PPHLN1: variants seen among roughly 807,000 people sequenced by gnomAD.
PPHLN1 encodes periphilin-1.
Under a neutral mutation model 51.3 loss-of-function variants are expected in PPHLN1, and 29 were observed. The ratio of observed to expected loss-of-function variants is 0.57; its 90% confidence interval spans 0.42 to 0.77. PPHLN1 has a LOEUF of 0.77. PPHLN1 is among the 30% of genes least tolerant of loss of function. The pLI, the probability that PPHLN1 is intolerant of heterozygous loss-of-function variation, is 0.00. For synonymous variants in PPHLN1, 147 were observed against 147.8 expected, an observed-to-expected ratio of 0.99 and a Z score of 0.04; for missense variants, 436 against 438.4, an observed-to-expected ratio of 0.99 and a Z score of 0.05.
chr12:42,411,342 T>A (rs915208418), intron 9 of PPHLN1, among the ~76,000 whole-genome samples: 3 of 152,010 alleles, frequency 2.0e-5, no homozygotes, highest in African/African-American at 7.2e-5. Flanking sequence ...CTGCCGCAGT[T>A]ACTACTTGAG....
In PPHLN1 at chr12:42,441,985, A is replaced by C; in HGVS notation, c.*476A>C. 2 of 964,620 alleles carry C rather than the reference A, an allele frequency of 2.1e-6. No individual in the cohort carries two copies. Among genetic ancestry groups the C allele is most frequent in the Non-Finnish European group, 2.5e-6 (2 of 810,806 alleles). The allele number at this position is 964,620 out of a possible 1,614,324, so 59.8% of individuals were successfully genotyped here. On this transcript the variant is annotated 3_prime_UTR_variant, in exon 10 of 10. Coordinates refer to ENST00000358314, the MANE Select transcript of PPHLN1 (RefSeq NM_201439.2). The stretch of plus-strand genomic sequence containing the variant: ...AATATTTGCTTTGAGAGTAATTCTC[A>C]TTCAATGATAAAATAGAGCACTTAA...
At chr12:42,404,875 A>G (rs1346343881) in intron 9 of PPHLN1, among the ~76,000 whole-genome samples, 1 of 151,940 alleles carries the variant, frequency 6.6e-6, no homozygotes, top group African/African-American at 2.4e-5. Flanking sequence ...TAAAAATACA[A>G]AATTAGCCGG....
chr12:42,327,857 C>A (rs1262997641), intron 1 of PPHLN1, among the ~76,000 whole-genome samples: 1 of 152,162 alleles, frequency 6.6e-6, no homozygotes, highest in Non-Finnish European at 1.5e-5. Context: ...GAATACTTCA[C>A]CCTTAGAAGG....
intron 5 of PPHLN1, among the ~76,000 whole-genome samples, chr12:42,378,108 C>A (rs1358919308): frequency 1.5e-5 from 2 of 129,748 alleles, no homozygotes; most frequent in Non-Finnish European, 3.4e-5. Flanking sequence ...TTCTTTCTTT[C>A]TTTCTTTCTT....
Position 42,335,908 on chromosome 12 carries a change from G to T in PPHLN1, c.6G>T (p.Trp2Cys). M[W>C]SEGRYEYERI... ...TGGCTTACAGAAGAGACGAAATGTG[G>T]TCTGAGGGACGATATGAATATGAAA... The change falls in exon 2 of 10, where the codon TGG becomes TGT. Residue 2 changes from tryptophan to cysteine, a missense_variant. Coordinates refer to ENST00000358314, the MANE Select transcript of PPHLN1 (RefSeq NM_201439.2). 6.3e-7 allele frequency: 1 copy of T among 1,581,520 alleles called. No homozygotes were observed. Among genetic ancestry groups the T allele is most frequent in the Middle Eastern group, 1.7e-4 (1 of 5,936 alleles).
chr12:42,374,808 G>A, intron 4 of PPHLN1, 55 bp from the exon 5 acceptor site: 3 of 1,391,226 alleles, frequency 2.2e-6, no homozygotes, highest in Middle Eastern at 2.0e-4. Context: ...CATTGTGCTT[G>A]TATATAGAGG....
At chr12:42,356,606 A>T (rs1409999491) in intron 4 of PPHLN1, among the ~76,000 whole-genome samples, 2 of 152,200 alleles carry the variant, frequency 1.3e-5, no homozygotes, top group African/African-American at 4.8e-5. Context: ...TTCAGAACCC[A>T]TGGCAGACTG....
downstream of PPHLN1, chr12:42,442,617 C>G: frequency 3.1e-6 from 5 of 1,613,734 alleles, no homozygotes; most frequent in Non-Finnish European, 4.2e-6. Flanking sequence ...TCTGAATACT[C>G]CTTTCATCCG....
chr12:42,444,849 G>C (rs935164575), downstream of PPHLN1: 5 of 576,876 alleles, frequency 8.7e-6, no homozygotes, highest in Non-Finnish European at 1.5e-5. Context: ...ACCTAACGCT[G>C]TAATGCTTTT....
chr12:42,416,157 T>G (rs1228847345), intron 9 of PPHLN1, among the ~76,000 whole-genome samples: 1 of 152,210 alleles, frequency 6.6e-6, no homozygotes, highest in Non-Finnish European at 1.5e-5. Context: ...TACATGTGTA[T>G]TTTTAAAATC....
Position 42,368,486 on chromosome 12 carries a change from T to TGGAGAGGTTAGGAAAATGAAGCTC in PPHLN1, c.300-6376_300-6353dup, listed in dbSNP as rs1361273645. Among the ~76,000 whole-genome samples, 4 of 152,162 alleles carry TGGAGAGGTTAGGAAAATGAAGCTC rather than the reference T, an allele frequency of 2.6e-5. No individual in the cohort carries two copies. The East Asian group carries it at 5.8e-4, about 22-fold the overall frequency. ...CCATTCATGTCAGAATTGCTATGTC[T>TGGAGAGGTTAGGAAAATGAAGCTC]GGAGAGGTTAGGAAAATGAAGCTCA... On this transcript the variant is annotated intron_variant, in intron 4 of 9. Transcript: ENST00000358314.
At chr12:42,356,012 A>C (rs921598869) in intron 4 of PPHLN1, among the ~76,000 whole-genome samples, 3 of 152,216 alleles carry the variant, frequency 2.0e-5, no homozygotes, top group Non-Finnish European at 4.4e-5. Flanking sequence ...GATTACTTAC[A>C]GAGGGCATCT....
At chr12:42,351,254 G>A (rs1455417909) in intron 2 of PPHLN1, 1 of 152,012 alleles carries the variant, frequency 6.6e-6, no homozygotes, top group East Asian at 1.9e-4. Context: ...TGTTCTCCCT[G>A]CGTCCAATTC....
At chr12:42,426,336 AT>A (rs1253356725) in intron 9 of PPHLN1, among the ~76,000 whole-genome samples, 10 of 152,054 alleles carry the variant, frequency 6.6e-5, no homozygotes, top group Admixed American at 2.0e-4. Flanking sequence ...AAGCAAGTTC[AT>A]TTATCTTTGC....
At chr12:42,446,523 C>T (rs549889384), downstream of PPHLN1, 19 of 1,563,590 alleles carry the variant, frequency 1.2e-5, no homozygotes, top group Admixed American at 5.3e-5. Context: ...TCCTGGGGGT[C>T]GCTTCTTAGT....
At chr12:42,346,667 A>G (rs999829754) in intron 2 of PPHLN1, among the ~76,000 whole-genome samples, 2 of 152,124 alleles carry the variant, frequency 1.3e-5, no homozygotes, top group Non-Finnish European at 1.5e-5. Context: ...AGGAATTTCC[A>G]TACTGTTTTC....
intron 9 of PPHLN1, among the ~76,000 whole-genome samples, chr12:42,440,909 TCAAA>T (rs1270584873): frequency 6.6e-6 from 1 of 152,250 alleles, no homozygotes; most frequent in African/African-American, 2.4e-5. Flanking sequence ...TGATCATGAT[TCAAA>T]CAAAGAATCT....
At chr12:42,405,245 A>G (rs2079189380) in intron 9 of PPHLN1, among the ~76,000 whole-genome samples, 1 of 151,996 alleles carries the variant, frequency 6.6e-6, no homozygotes, top group African/African-American at 2.4e-5. Flanking sequence ...TTCATCTGTC[A>G]TCTCTCATTT....
chr12:42,399,874 G>A (rs1026463519), intron 9 of PPHLN1: 5 of 152,144 alleles, frequency 3.3e-5, no homozygotes, highest in Non-Finnish European at 7.3e-5. Context: ...GGAATATAAG[G>A]AAAATGGAGA....
Sources: allele counts gnomAD v4.1 joint callset (sites outside exome capture counted in the v4.1 genomes callset), GRCh38; gene constraint gnomAD v4.1.1; transcripts MANE v1.5; gene names NCBI Gene and HGNC (gene_info 2026-07-23, HGNC 2026-07-21).